Variants in CAST observed in about 807,000 individuals in gnomAD.
The protein encoded by CAST is calpastatin, also known as MIR583 host.
In CAST, 76 loss-of-function variants were observed where a neutral mutation model predicts 119.6. That is an observed-to-expected ratio of 0.64 (90% CI 0.53 to 0.77). The LOEUF (loss-of-function observed/expected upper bound fraction) is 0.77, where lower values mean the gene tolerates loss of function less well. Among genes scored for constraint, CAST ranks in the 30% least tolerant of loss-of-function variants. The pLI, the probability that CAST is intolerant of heterozygous loss-of-function variation, is 0.00. For synonymous variants in CAST, 319 were observed against 331.6 expected (o/e 0.96, Z 0.41); for missense variants, 953 against 946.5 (o/e 1.01, Z -0.09).
intron 20 of CAST, among the ~76,000 whole-genome samples, chr5:96,751,086 G>C (rs965251816): frequency 1.3e-5 from 2 of 152,064 alleles, no homozygotes; most frequent in African/African-American, 4.8e-5. Context: ...TCCCACTGCA[G>C]GAGGTGAAAC....
intron 27 of CAST, among the ~76,000 whole-genome samples, chr5:96,766,853 GGTGA>G (rs1347383008): frequency 1.4e-5 from 2 of 144,886 alleles, no homozygotes; most frequent in Non-Finnish European, 3.0e-5. Context: ...GATTCATTTT[GGTGA>G]GTAAGATGAT....
the CAST span, among the ~76,000 whole-genome samples, chr5:96,072,181 C>T: frequency 6.6e-6 from 1 of 151,516 alleles, no homozygotes; most frequent in African/African-American, 2.4e-5. Context: ...GAGCATTATA[C>T]CTTGAGGAGG....
At chr5:96,300,934 T>A in the CAST span, among the ~76,000 whole-genome samples, 2 of 152,028 alleles carry the variant, frequency 1.3e-5, no homozygotes, top group African/African-American at 4.8e-5. Context: ...TGCTAATAAT[T>A]TTTGTGTGTT....
chr5:96,565,613 T>G (rs1746452310), intron 1 of CAST, among the ~76,000 whole-genome samples: 1 of 152,188 alleles, frequency 6.6e-6, no homozygotes, highest in Admixed American at 6.5e-5. Flanking sequence ...GAAGTGGTAC[T>G]GGGTCCACTC....
the CAST span, among the ~76,000 whole-genome samples, chr5:96,337,986 T>G: frequency 1.3e-5 from 2 of 152,210 alleles, no homozygotes; most frequent in African/African-American, 4.8e-5. Context: ...TTTTTTTCTG[T>G]CTTAGCCTAC....
rs921417979 is a variant in CAST at position 96,594,506 on chromosome 5, G to A, written c.60+64626G>A. On this transcript the variant is annotated intron_variant, in intron 1 of 11. Coordinates refer to the CAST transcript ENST00000505143. Reference sequence around the variant, plus strand: ...TGTCATATTTGAATTTAAAACCAGCGTTGTAGAATATAAAGATGGATGACA... The same window carrying A: ...TGTCATATTTGAATTTAAAACCAGCATTGTAGAATATAAAGATGGATGACA... Among the ~76,000 whole-genome samples, 12 of 152,070 alleles carry A rather than the reference G, an allele frequency of 7.9e-5. 1 individual carries two copies. The East Asian group carries it at 1.2e-3, about 15-fold the overall frequency.
the CAST span, among the ~76,000 whole-genome samples, chr5:96,292,114 A>G: frequency 2.4e-4 from 37 of 152,150 alleles, no homozygotes; most frequent in African/African-American, 8.5e-4. Context: ...AAAGACGCAT[A>G]TGTTAATATC....
intron 2 of CAST, among the ~76,000 whole-genome samples, chr5:96,676,699 T>C (rs1432598685): frequency 6.6e-6 from 1 of 151,472 alleles, no homozygotes; most frequent in Non-Finnish European, 1.5e-5. Flanking sequence ...ATTAAATTAA[T>C]AAAAGATAAA....
the CAST span, among the ~76,000 whole-genome samples, chr5:96,147,304 C>G: frequency 6.6e-6 from 1 of 152,182 alleles, no homozygotes; most frequent in Non-Finnish European, 1.5e-5. Context: ...TACTTTTAAC[C>G]TTGTTACAAA....
the CAST span, chr5:96,393,026 A>C: frequency 6.2e-7 from 1 of 1,614,174 alleles, no homozygotes; most frequent in Non-Finnish European, 8.5e-7. Context: ...CAGAATGTCC[A>C]CCAGAGCTTG....
the CAST span, among the ~76,000 whole-genome samples, chr5:96,022,243 A>G: frequency 6.6e-6 from 1 of 152,174 alleles, no homozygotes; most frequent in African/African-American, 2.4e-5. Flanking sequence ...TTATACCTAA[A>G]CGCTGTTTAA....
At chr5:96,737,997 C>A in intron 11 of CAST, 50 bp downstream of exon 11, 1 of 1,010,234 alleles carries the variant, frequency 9.9e-7, no homozygotes, top group Non-Finnish European at 1.6e-6. Context: ...GGTAGGAGAG[C>A]AAATAAGGCC....
the CAST span, among the ~76,000 whole-genome samples, chr5:96,184,963 C>T: frequency 1.3e-5 from 2 of 152,190 alleles, no homozygotes; most frequent in African/African-American, 4.8e-5. Context: ...TTAATTTACA[C>T]TTCCACCAAC....
chr5:96,423,383 C>G, the CAST span: 1 of 1,613,846 alleles, frequency 6.2e-7, no homozygotes, highest in Non-Finnish European at 8.5e-7. Flanking sequence ...AACTCCTTTG[C>G]CCGTAATGCC....
the CAST span, among the ~76,000 whole-genome samples, chr5:96,489,808 C>T: frequency 1.3e-5 from 2 of 152,136 alleles, no homozygotes; most frequent in Non-Finnish European, 2.9e-5. Flanking sequence ...GGCTATGAGA[C>T]GGCATTCCTG....
At chr5:96,302,125 A>C in the CAST span, among the ~76,000 whole-genome samples, 2 of 152,174 alleles carry the variant, frequency 1.3e-5, no homozygotes, top group Non-Finnish European at 2.9e-5. Flanking sequence ...TGCAGGCTTA[A>C]TACCACGTGG....
intron 1 of CAST, among the ~76,000 whole-genome samples, chr5:96,576,685 CA>C (rs1371487871): frequency 2.0e-5 from 3 of 151,976 alleles, no homozygotes; most frequent in Non-Finnish European, 1.5e-5. Flanking sequence ...ATTATGAATT[CA>C]TTTTTTTTAA....
the CAST span, among the ~76,000 whole-genome samples, chr5:96,307,590 T>A: frequency 6.6e-6 from 1 of 152,236 alleles, no homozygotes; most frequent in Non-Finnish European, 1.5e-5. Flanking sequence ...TGGCTGGTAC[T>A]GGCTGTTTCT....
At chr5:96,644,417 C>T (rs761906767) in intron 1 of CAST, among the ~76,000 whole-genome samples, 5 of 152,138 alleles carry the variant, frequency 3.3e-5, no homozygotes, top group African/African-American at 7.2e-5. Flanking sequence ...TATCTTTAAC[C>T]TTTAAAAATT....
Sources: gnomAD v4.1 joint callset for allele counts (sites outside exome capture counted in the v4.1 genomes callset) on GRCh38, gnomAD v4.1.1 for gene constraint, MANE v1.5 for transcripts, NCBI Gene and HGNC (gene_info 2026-07-23, HGNC 2026-07-21) for gene names.